Variants in ALDH1A2 observed in about 807,000 individuals in gnomAD.
ALDH1A2 encodes aldehyde dehydrogenase 1 family member A2, also known as retinal dehydrogenase 2.
A neutral mutation model predicts 60.3 loss-of-function variants in ALDH1A2; 27 were observed. That is an observed-to-expected ratio of 0.45 (90% CI 0.33 to 0.62). The LOEUF is 0.62. Ranked by LOEUF, ALDH1A2 falls within the 20% of genes least tolerant of loss-of-function variation. ALDH1A2 has a pLI of 0.02. For missense variants in ALDH1A2, 581 were observed against 643.8 expected (o/e 0.90, Z 1.06); for synonymous variants, 289 against 232.4 (o/e 1.24, Z -2.21).
intron 10 of ALDH1A2, among the ~76,000 whole-genome samples, chr15:57,961,730 T>C (rs745610448): frequency 5.3e-5 from 8 of 152,230 alleles, no homozygotes; most frequent in Admixed American, 1.3e-4. Context: ...AGCCGAACTA[T>C]TGCCAGTGTA....
At chr15:58,019,808 CTTTT>C (rs1355114708) in intron 1 of ALDH1A2, among the ~76,000 whole-genome samples, 6 of 152,096 alleles carry the variant, frequency 3.9e-5, no homozygotes, top group Non-Finnish European at 8.8e-5. Context: ...GAATCACTTT[CTTTT>C]TTATTATTAT....
chr15:58,056,662 A>C (rs1351144719), intron 1 of ALDH1A2, among the ~76,000 whole-genome samples: 1 of 152,168 alleles, frequency 6.6e-6, no homozygotes, highest in Non-Finnish European at 1.5e-5. Flanking sequence ...TAACTGATAA[A>C]AATTATAATC....
chr15:58,049,697 A>G (rs567796427), intron 1 of ALDH1A2, among the ~76,000 whole-genome samples: 5 of 152,090 alleles, frequency 3.3e-5, no homozygotes, highest in African/African-American at 4.8e-5. Flanking sequence ...CACTTCTGAC[A>G]CTGCCATAGA....
intron 12 of ALDH1A2, among the ~76,000 whole-genome samples, chr15:57,959,942 T>C (rs1384601585): frequency 6.6e-6 from 1 of 152,062 alleles, no homozygotes; most frequent in Non-Finnish European, 1.5e-5. Context: ...TTACTCACTC[T>C]CCCCCACTGC....
At chr15:58,055,874 G>A (rs1284964052) in intron 1 of ALDH1A2, among the ~76,000 whole-genome samples, 1 of 150,522 alleles carries the variant, frequency 6.6e-6, no homozygotes, top group Non-Finnish European at 1.5e-5. Flanking sequence ...TATTATTCTT[G>A]AATAATGTAG....
intron 4 of ALDH1A2, among the ~76,000 whole-genome samples, chr15:57,996,446 C>G (rs1258524008): frequency 1.3e-5 from 2 of 150,762 alleles, no homozygotes; most frequent in East Asian, 3.9e-4. Context: ...TCCTTTTATC[C>G]TCTTTTTTTT....
chr15:57,975,557 G>A (rs116912721), intron 7 of ALDH1A2, among the ~76,000 whole-genome samples: 2,137 of 152,246 alleles, frequency 0.014, 25 homozygotes, highest in African/African-American at 0.033. Flanking sequence ...TGATGTTGGT[G>A]CTCAAAATGT....
intron 11 of ALDH1A2, 109 bp from the exon 12 acceptor site, chr15:57,960,953 A>G: frequency 7.4e-7 from 1 of 1,354,624 alleles, no homozygotes; most frequent in Non-Finnish European, 1.0e-6. Flanking sequence ...TTTCCTCCAG[A>G]GGAAAAAATT....
At chr15:58,031,680 A>T (rs900747008) in intron 1 of ALDH1A2, among the ~76,000 whole-genome samples, 23 of 151,960 alleles carry the variant, frequency 1.5e-4, no homozygotes, top group African/African-American at 4.8e-4. Context: ...AACAACCCCA[A>T]CAAAAAGTGG....
intron 7 of ALDH1A2, among the ~76,000 whole-genome samples, chr15:57,985,257 T>A (rs1435042362): frequency 6.6e-6 from 1 of 152,152 alleles, no homozygotes; most frequent in African/African-American, 2.4e-5. Flanking sequence ...CTGCTTCGAG[T>A]TGTTGACTAA....
At chr15:58,033,687 T>C (rs1896302343) in intron 1 of ALDH1A2, among the ~76,000 whole-genome samples, 1 of 149,552 alleles carries the variant, frequency 6.7e-6, no homozygotes, top group South Asian at 2.1e-4. Flanking sequence ...GGACTCTTTT[T>C]TTTTTTTTTT....
intron 7 of ALDH1A2, among the ~76,000 whole-genome samples, chr15:57,986,325 A>T (rs1460823393): frequency 6.6e-6 from 1 of 152,172 alleles, no homozygotes; most frequent in Non-Finnish European, 1.5e-5. Context: ...GATAAGAAAG[A>T]TCTTGTTGAA....
intron 1 of ALDH1A2, among the ~76,000 whole-genome samples, chr15:58,034,850 A>G (rs1896335569): frequency 2.0e-5 from 3 of 151,720 alleles, no homozygotes; most frequent in Middle Eastern, 3.4e-3. Context: ...AATTCTTTTT[A>G]TACATTGGTG....
intron 1 of ALDH1A2, among the ~76,000 whole-genome samples, chr15:58,023,495 G>T (rs2140529932): frequency 6.6e-6 from 1 of 152,200 alleles, no homozygotes; most frequent in Non-Finnish European, 1.5e-5. Flanking sequence ...ATAGCATATT[G>T]TTATCAGACT....
intron 9 of ALDH1A2, 113 bp downstream of exon 9, chr15:57,963,771 TA>T: frequency 9.2e-7 from 1 of 1,088,000 alleles, no homozygotes; most frequent in Non-Finnish European, 1.4e-6. Context: ...TGGTGGAGAA[TA>T]AAGGAGTCAG....
intron 1 of ALDH1A2, 99 bp from the exon 2 acceptor site, chr15:58,014,380 G>T: frequency 1.1e-6 from 1 of 919,982 alleles, no homozygotes; most frequent in Non-Finnish European, 1.8e-6. Flanking sequence ...AACACTTGTT[G>T]TATAATAAAA....
Position 57,992,957 on chromosome 15 carries a change from G to GGC in ALDH1A2, c.670_671dup (p.Leu225ProfsTer27). 1 of 1,614,032 alleles carries GGC rather than the reference G, an allele frequency of 6.2e-7. No homozygotes were observed. The highest frequency in any genetic ancestry group is 8.5e-7 in the Non-Finnish European group (1 of 1,179,982). On this transcript the variant is annotated frameshift_variant, in exon 6 of 13. Coordinates refer to ENST00000249750, the MANE Select transcript of ALDH1A2 (RefSeq NM_003888.4). LOFTEE classifies it high-confidence loss of function. ...CCGTTTCTCTTACCTCCTTGATGAG[G>GGC]GCTCCCATGTAGAGTGCACTGAGTG...
intron 4 of ALDH1A2, among the ~76,000 whole-genome samples, chr15:58,001,034 T>TAAAAAAAAAAA (rs10641902): frequency 7.9e-6 from 1 of 126,222 alleles, no homozygotes; most frequent in Non-Finnish European, 1.6e-5. Flanking sequence ...TCAAAATTGT[T>TAAAAAAAAAAA]AAAAAAAAAA....
Position 58,061,608 on chromosome 15 carries a change from AAC to A in ALDH1A2, c.117+3924_117+3925del, listed in dbSNP as rs1354786878. On this transcript the variant is annotated intron_variant, in intron 1 of 12. Transcript: ENST00000249750. Reference sequence around the variant, plus strand: ...AACTCCTTCCCTCAAAAAAAAAAAAAACAAAAAAAAAAAAAAAACGGAACAAA... The same window carrying A: ...AACTCCTTCCCTCAAAAAAAAAAAAAAAAAAAAAAAAAAAAACGGAACAAA... Among the ~76,000 whole-genome samples, 337 of 137,788 alleles carry A rather than the reference AAC, an allele frequency of 2.4e-3. 18 individuals are homozygous for A. The highest frequency in any genetic ancestry group is 4.4e-3 in the African/African-American group (171 of 39,224). The allele number at this position is 137,788 out of a possible 152,430, so 90.4% of individuals were successfully genotyped here.
Sources: gnomAD v4.1 joint callset for allele counts (sites outside exome capture counted in the v4.1 genomes callset) on GRCh38, gnomAD v4.1.1 for gene constraint, MANE v1.5 for transcripts, NCBI Gene and HGNC (gene_info 2026-07-23, HGNC 2026-07-21) for gene names.